Variants in GLT1D1 observed in about 807,000 individuals in gnomAD.
GLT1D1 encodes the protein glycosyltransferase 1 domain-containing protein 1.
A neutral mutation model predicts 28.7 loss-of-function variants in GLT1D1; 21 were observed. The observed-to-expected ratio is 0.73, with a 90% CI of 0.52 to 1.05. The LOEUF (loss-of-function observed/expected upper bound fraction) is 1.05, where lower values mean the gene tolerates loss of function less well. GLT1D1 is among the 50% of genes least tolerant of loss of function. The pLI is 0.00. For synonymous variants in GLT1D1, 147 were observed against 124.8 expected (o/e 1.18, Z -1.19); for missense variants, 343 against 330.6 (o/e 1.04, Z -0.29).
At chr12:128,880,953 G>T (rs11059993) in intron 2 of GLT1D1, among the ~76,000 whole-genome samples, 1 of 152,074 alleles carries the variant, frequency 6.6e-6, no homozygotes, top group Non-Finnish European at 1.5e-5. Flanking sequence ...GGCCGGGCGC[G>T]GTGGCTCACG....
chr12:128,947,271 C>T, intron 5 of GLT1D1, 67 bp from the exon 10 acceptor site: 1 of 1,598,446 alleles, frequency 6.3e-7, no homozygotes, highest in South Asian at 1.1e-5. Flanking sequence ...TGTCATCTCT[C>T]CTCCTCCCAG....
At chr12:128,920,700 G>A (rs1209220336) in intron 4 of GLT1D1, among the ~76,000 whole-genome samples, 2 of 152,202 alleles carry the variant, frequency 1.3e-5, no homozygotes, top group African/African-American at 4.8e-5. Context: ...AATGTGGAGT[G>A]TAGCTGTTGG....
At chr12:128,920,863 TAATAAA>T (rs769801886) in intron 4 of GLT1D1, among the ~76,000 whole-genome samples, 57 of 152,214 alleles carry the variant, frequency 3.7e-4, no homozygotes, top group African/African-American at 8.9e-4. Context: ...AAAGCAAAGG[TAATAAA>T]AATAAGTTTG....
chr12:128,957,676 C>A (rs1877443926), intron 7 of GLT1D1, 33 bp downstream of exon 11: 2 of 1,295,960 alleles, frequency 1.5e-6, no homozygotes, highest in African/African-American at 1.5e-5. Flanking sequence ...CATTCACTCA[C>A]CTTATCTGAA....
At chr12:128,918,633 G>A (rs930569968) in intron 4 of GLT1D1, among the ~76,000 whole-genome samples, 2 of 152,190 alleles carry the variant, frequency 1.3e-5, no homozygotes, top group African/African-American at 2.4e-5. Flanking sequence ...TAGCATGGCT[G>A]TTCTCAGTAT....
At chr12:128,974,061 A>T (rs1354512861) in intron 7 of GLT1D1, among the ~76,000 whole-genome samples, 1 of 151,996 alleles carries the variant, frequency 6.6e-6, no homozygotes, top group East Asian at 1.9e-4. Flanking sequence ...TGTTAACCTC[A>T]GGCAGGTTCC....
chr12:128,872,695 G>A (rs560412441), intron 1 of GLT1D1, among the ~76,000 whole-genome samples: 64 of 152,236 alleles, frequency 4.2e-4, no homozygotes, highest in Admixed American at 7.2e-4. Context: ...CTCTTTGCAG[G>A]TTTTAATCAG....
intron 7 of GLT1D1, among the ~76,000 whole-genome samples, chr12:128,966,376 C>T (rs1367049569): frequency 6.6e-6 from 1 of 152,216 alleles, no homozygotes; most frequent in Admixed American, 6.5e-5. Flanking sequence ...GCCTTTGCTG[C>T]TCTGCGGCCA....
chr12:128,927,081 T>C lies in GLT1D1; in HGVS notation c.376-18245T>C, dbSNP rs992979622. On this transcript the variant is annotated intron_variant, in intron 4 of 7. Transcript: ENST00000281703. ...GACTTAAACCCATTTGAAGTGTTTTTTTGTCTTCTTTTTTCTTCCCAAGCC... is the reference window on the plus strand; with the variant it reads ...GACTTAAACCCATTTGAAGTGTTTTCTTGTCTTCTTTTTTCTTCCCAAGCC... 2.8e-5 allele frequency: 43 copies of C among 1,531,180 alleles called. No homozygotes were observed. In the African/African-American group the frequency reaches 5.2e-4, roughly 19 times the overall value. The allele number at this position is 1,531,180 out of a possible 1,614,324, so 94.8% of individuals were successfully genotyped here.
intron 7 of GLT1D1, among the ~76,000 whole-genome samples, chr12:128,959,421 C>CGGGGGGG (rs1331322937): frequency 1.2e-3 from 12 of 9,938 alleles, no homozygotes; most frequent in South Asian, 5.9e-3. Context: ...TGGGGGGGGA[C>CGGGGGGG]GGGTGGGGAG....
intron 4 of GLT1D1, among the ~76,000 whole-genome samples, chr12:128,939,420 A>G (rs497538): frequency 0.13 from 19,697 of 149,274 alleles, 1,490 homozygotes; most frequent in South Asian, 0.27. Flanking sequence ...AAAAAAAAGT[A>G]CACATTTGAG....
intron 1 of GLT1D1, among the ~76,000 whole-genome samples, chr12:128,868,350 GCA>G (rs1442888056): frequency 2.0e-5 from 3 of 152,200 alleles, no homozygotes; most frequent in African/African-American, 7.2e-5. Context: ...GCCTGCAGGA[GCA>G]CCCTTGGATC....
At chr12:128,919,108 C>A (rs150968194) in intron 4 of GLT1D1, among the ~76,000 whole-genome samples, 1 of 152,100 alleles carries the variant, frequency 6.6e-6, no homozygotes, top group Admixed American at 6.6e-5. Context: ...GGCATCTGTT[C>A]GCATTTGTGC....
intron 4 of GLT1D1, among the ~76,000 whole-genome samples, chr12:128,927,923 C>T (rs982426947): frequency 4.3e-5 from 6 of 139,082 alleles, no homozygotes; most frequent in African/African-American, 1.6e-4. Context: ...TCGCTTGAAC[C>T]CGAGAGGTGG....
chr12:128,912,499 A>G, intron 4 of GLT1D1, 39 bp downstream of exon 5: 1 of 1,115,504 alleles, frequency 9.0e-7, no homozygotes, highest in Non-Finnish European at 1.3e-6. Context: ...ATGTACAGGG[A>G]TAGAGAATGA....
intron 7 of GLT1D1, among the ~76,000 whole-genome samples, chr12:128,973,667 C>T (rs904544668): frequency 6.6e-6 from 1 of 152,074 alleles, no homozygotes; most frequent in African/African-American, 2.4e-5. Context: ...TTCTGCCTCT[C>T]ACCTTCTTCT....
Position 128,983,139 on chromosome 12 carries a change from C to T in GLT1D1, c.*49C>T. 5.2e-6 allele frequency: 8 copies of T among 1,532,590 alleles called. No homozygotes were observed. The highest frequency in any genetic ancestry group is 6.3e-6 in the Non-Finnish European group (7 of 1,110,704). The allele number at this position is 1,532,590 out of a possible 1,614,324, so 94.9% of individuals were successfully genotyped here. A position where few individuals can be genotyped will look rare whatever the true frequency, so the allele number is the denominator to read the frequency against. On this transcript the variant is annotated 3_prime_UTR_variant, in exon 8 of 8. Transcript: ENST00000281703. The surrounding 1 kb of genome is among the most constrained non-coding windows in gnomAD (Gnocchi z 4.7). ...GCTCTCTGACACACAGCTCTGGGTG[C>T]ACACTCAGAGACAGAGTTCTGGATC...
At chr12:128,945,455 C>T (rs773050754) in intron 5 of GLT1D1, 86 bp downstream of exon 9, 2 of 1,072,314 alleles carry the variant, frequency 1.9e-6, no homozygotes, top group Non-Finnish European at 2.9e-6. Context: ...TATCCAGTCC[C>T]AGGCACTATT....
chr12:128,967,870 C>T (rs772493684), intron 7 of GLT1D1, among the ~76,000 whole-genome samples: 2 of 152,242 alleles, frequency 1.3e-5, no homozygotes, highest in Non-Finnish European at 2.9e-5. Context: ...ACAGTAGGTC[C>T]TCAGCATGAA....
Sources: allele counts gnomAD v4.1 joint callset (sites outside exome capture counted in the v4.1 genomes callset), GRCh38; gene constraint gnomAD v4.1.1; non-coding constraint Gnocchi (gnomAD v3.1); transcripts MANE v1.5; gene names NCBI Gene and HGNC (gene_info 2026-07-23, HGNC 2026-07-21).